TINAG: variants seen among roughly 807,000 people sequenced by gnomAD.
The protein encoded by TINAG is tubulointerstitial nephritis antigen.
TINAG carries 83 observed loss-of-function variants against 72.7 expected under a neutral mutation model. That is an observed-to-expected ratio of 1.14 (90% CI 0.96 to 1.37). The LOEUF (loss-of-function observed/expected upper bound fraction) is 1.37, where lower values mean the gene tolerates loss of function less well. Among genes scored for constraint, TINAG ranks in the 40% most tolerant of loss-of-function variants. The pLI, the probability that TINAG is intolerant of heterozygous loss-of-function variation, is 0.00. For synonymous variants in TINAG, 234 were observed against 189.9 expected (o/e 1.23, Z -1.91); for missense variants, 685 against 576.6 (o/e 1.19, Z -1.93).
chr6:54,328,671 C>T (rs1161606713), intron 4 of TINAG, among the ~76,000 whole-genome samples: 2 of 151,976 alleles, frequency 1.3e-5, no homozygotes, highest in Admixed American at 6.6e-5. Context: ...TAACAAACTC[C>T]TCCGAGCTAA....
At chr6:54,343,690 A>G (rs1003310860) in intron 5 of TINAG, among the ~76,000 whole-genome samples, 3 of 151,970 alleles carry the variant, frequency 2.0e-5, no homozygotes, top group African/African-American at 7.2e-5. Context: ...TTATAATTCT[A>G]ATATACATAT....
chr6:54,387,113 A>G (rs1764120126), intron 10 of TINAG, among the ~76,000 whole-genome samples: 1 of 152,184 alleles, frequency 6.6e-6, no homozygotes, highest in Non-Finnish European at 1.5e-5. Context: ...AGAAACTTCA[A>G]GAAAAGGGGA....
chr6:54,359,334 C>T (rs1215060442), intron 9 of TINAG, among the ~76,000 whole-genome samples: 1 of 151,724 alleles, frequency 6.6e-6, no homozygotes, highest in Non-Finnish European at 1.5e-5. Flanking sequence ...AATCTAGGGG[C>T]TTCCTTGATC....
chr6:54,331,505 T>C lies in TINAG; in HGVS notation c.624+4589T>C, dbSNP rs145008737. On this transcript the variant is annotated intron_variant, in intron 4 of 10. Coordinates refer to ENST00000259782, the MANE Select transcript of TINAG (RefSeq NM_014464.4). ...GACAAACCCACAGCCAATATCATAC[T>C]GAATGGGCAAAAGCTGGAAGCTTTT... Among the ~76,000 whole-genome samples the C allele has an allele frequency of 9.8e-3, 1,499 of 152,340 alleles. 38 individuals are homozygous for C. The highest frequency in any genetic ancestry group is 0.063 in the East Asian group (326 of 5,188).
At chr6:54,352,149 G>C (rs1014100785) in intron 8 of TINAG, among the ~76,000 whole-genome samples, 1 of 151,784 alleles carries the variant, frequency 6.6e-6, no homozygotes, top group Non-Finnish European at 1.5e-5. Context: ...GAAAATTTAG[G>C]TTGTGAATAC....
chr6:54,318,770 G>A (rs1784426808), intron 1 of TINAG, among the ~76,000 whole-genome samples: 1 of 152,140 alleles, frequency 6.6e-6, no homozygotes, highest in South Asian at 2.1e-4. Context: ...TTGTAGCAAA[G>A]GAGTGAGTGG....
chr6:54,327,097 G>A (rs1784622409), intron 4 of TINAG, 181 bp downstream of exon 4: 3 of 1,547,782 alleles, frequency 1.9e-6, no homozygotes, highest in East Asian at 2.4e-5. Context: ...TTTCATATGA[G>A]ATTTGCAAGT....
intron 5 of TINAG, among the ~76,000 whole-genome samples, chr6:54,345,716 A>C (rs555503074): frequency 7.2e-4 from 110 of 152,172 alleles, no homozygotes; most frequent in Admixed American, 2.0e-3. Context: ...ATCCTAGTGC[A>C]ATAGTAGATG....
At chr6:54,365,836 A>G (rs1763392883) in intron 9 of TINAG, among the ~76,000 whole-genome samples, 1 of 151,480 alleles carries the variant, frequency 6.6e-6, no homozygotes, top group Non-Finnish European at 1.5e-5. Flanking sequence ...CTCTTTAGAG[A>G]GTCTTCACTG....
intron 9 of TINAG, among the ~76,000 whole-genome samples, chr6:54,372,205 T>G (rs531142506): frequency 4.6e-5 from 7 of 152,038 alleles, no homozygotes; most frequent in African/African-American, 1.2e-4. Flanking sequence ...TTGGCCAGGC[T>G]GATCTCGAAC....
chr6:54,329,184 C>T (rs975461093), intron 4 of TINAG, among the ~76,000 whole-genome samples: 4 of 151,802 alleles, frequency 2.6e-5, no homozygotes, highest in African/African-American at 7.3e-5. Flanking sequence ...AGATTCACCA[C>T]GGTTAAAATG....
chr6:54,381,473 T>G (rs1245391246), intron 10 of TINAG, among the ~76,000 whole-genome samples: 1 of 152,006 alleles, frequency 6.6e-6, no homozygotes, highest in Non-Finnish European at 1.5e-5. Flanking sequence ...TGCTAGAACT[T>G]GTACTCATCA....
In TINAG at chr6:54,318,341, C is replaced by G. The variant is rs139132145; in HGVS notation, c.356-2238C>G. ...AGCAGTCTTGATTTCTTGACACAAG[C>G]CTGTTTCTTATTTTAGTGATAGCTG... On this transcript the variant is annotated intron_variant, in intron 1 of 10. Coordinates refer to ENST00000259782, the MANE Select transcript of TINAG (RefSeq NM_014464.4). Among the ~76,000 whole-genome samples, 572 of 152,182 alleles carry G rather than the reference C, an allele frequency of 3.8e-3. 6 individuals carry two copies. The highest frequency in any genetic ancestry group is 0.013 in the African/African-American group (542 of 41,528).
chr6:54,321,420 A>G (rs953848944), intron 3 of TINAG, 34 bp downstream of exon 3: 8 of 1,407,948 alleles, frequency 5.7e-6, no homozygotes, highest in Non-Finnish European at 7.0e-6. Flanking sequence ...GTTTCTTGAC[A>G]CTGCCATTTA....
At chr6:54,339,672 G>C (rs1784951405) in intron 4 of TINAG, among the ~76,000 whole-genome samples, 1 of 152,114 alleles carries the variant, frequency 6.6e-6, no homozygotes, top group Non-Finnish European at 1.5e-5. Flanking sequence ...CTCTTTTAAA[G>C]GTAAGGCACA....
intron 3 of TINAG, among the ~76,000 whole-genome samples, chr6:54,321,949 G>C (rs1297879067): frequency 3.9e-5 from 6 of 152,160 alleles, no homozygotes; most frequent in African/African-American, 1.4e-4. Context: ...GGAAATAACT[G>C]ATGCTCTCAT....
Position 54,342,062 on chromosome 6 carries a change from GGTGT to G in TINAG, c.625-1146_625-1143del, listed in dbSNP as rs142069767. Among the ~76,000 whole-genome samples, 8 of 147,668 alleles carry G rather than the reference GGTGT, an allele frequency of 5.4e-5. No homozygotes were observed. In the South Asian group the frequency reaches 6.3e-4, roughly 12 times the overall value. On this transcript the variant is annotated intron_variant, in intron 4 of 10. Transcript: ENST00000259782. Reference sequence around the variant, plus strand: ...TGAAAGAATGCTCAGAAATGATTGGGGTGTGTGTGTGTGTGTGTGTGAGAACACA... The same window carrying G: ...TGAAAGAATGCTCAGAAATGATTGGGGTGTGTGTGTGTGTGTGAGAACACA...
chr6:54,386,523 T>C (rs1247030365), intron 10 of TINAG, among the ~76,000 whole-genome samples: 5 of 152,154 alleles, frequency 3.3e-5, no homozygotes, highest in Non-Finnish European at 7.4e-5. Context: ...TCTTAGAGGA[T>C]GCCTGAAGTT....
At chr6:54,358,759 C>A (rs1763139128) in intron 9 of TINAG, among the ~76,000 whole-genome samples, 2 of 151,946 alleles carry the variant, frequency 1.3e-5, no homozygotes, top group South Asian at 2.1e-4. Context: ...CCTGCTGCAT[C>A]ATTTAGCCAT....
Sources: gnomAD v4.1 joint callset for allele counts (sites outside exome capture counted in the v4.1 genomes callset) on GRCh38, gnomAD v4.1.1 for gene constraint, MANE v1.5 for transcripts, NCBI Gene and HGNC (gene_info 2026-07-23, HGNC 2026-07-21) for gene names.